The following CNTNAP5 variants were observed in gnomAD, a reference collection of about 807,000 sequenced individuals.
The protein encoded by CNTNAP5 is contactin associated protein family member 5, also known as contactin-associated protein-like 5.
Under a neutral mutation model 150.2 loss-of-function variants are expected in CNTNAP5, and 72 were observed. That is an observed-to-expected ratio of 0.48 (90% CI 0.40 to 0.58). The LOEUF (loss-of-function observed/expected upper bound fraction) is 0.58. Ranked by LOEUF, CNTNAP5 falls within the 20% of genes least tolerant of loss-of-function variation. The probability of loss-of-function intolerance (pLI) is 0.00; values close to 1 mark genes in which losing one functional copy is unlikely to be tolerated. For missense variants in CNTNAP5, 1,636 were observed against 1,626.2 expected (o/e 1.01, Z -0.10); for synonymous variants, 672 against 619.8 (o/e 1.08, Z -1.25).
chr2:124,401,293 T>C (rs1334557287), intron 3 of CNTNAP5, among the ~76,000 whole-genome samples: 1 of 152,224 alleles, frequency 6.6e-6, no homozygotes, highest in Non-Finnish European at 1.5e-5. Context: ...ACATTTATCT[T>C]TACATGCACA....
chr2:124,713,243 C>CTTTCTTTCTT (rs1280851827), intron 13 of CNTNAP5, among the ~76,000 whole-genome samples: 888 of 65,178 alleles, frequency 0.014, 166 homozygotes, highest in East Asian at 0.023. Flanking sequence ...TTCTTTCTTT[C>CTTTCTTTCTT]TCTTTCTTTC....
intron 3 of CNTNAP5, among the ~76,000 whole-genome samples, chr2:124,268,502 C>T (rs1310531149): frequency 2.6e-5 from 4 of 152,146 alleles, no homozygotes; most frequent in South Asian, 2.1e-4. Context: ...GGGGCCAAAT[C>T]GTAAATAGAG....
intron 11 of CNTNAP5, among the ~76,000 whole-genome samples, chr2:124,595,094 T>C (rs1696797305): frequency 6.7e-6 from 1 of 149,084 alleles, no homozygotes; most frequent in Non-Finnish European, 1.5e-5. Context: ...CAAGGACAAT[T>C]TGACTTCCTC....
intron 1 of CNTNAP5, among the ~76,000 whole-genome samples, chr2:124,162,179 G>T (rs780769230): frequency 1.4e-4 from 22 of 152,116 alleles, no homozygotes; most frequent in Non-Finnish European, 2.6e-4. Context: ...TTAAGTTCAT[G>T]CTGCCAAGCC....
intron 8 of CNTNAP5, among the ~76,000 whole-genome samples, chr2:124,522,060 T>C (rs975142158): frequency 6.6e-6 from 1 of 152,152 alleles, no homozygotes; most frequent in African/African-American, 2.4e-5. Flanking sequence ...GTCCTACATC[T>C]GGGATGCTCT....
intron 13 of CNTNAP5, among the ~76,000 whole-genome samples, chr2:124,667,782 A>G (rs774408694): frequency 2.6e-5 from 4 of 152,164 alleles, no homozygotes; most frequent in Admixed American, 6.5e-5. Flanking sequence ...TGAAAATCTA[A>G]TGGTAGCAAT....
At chr2:124,835,097 C>T (rs1459263726) in intron 19 of CNTNAP5, among the ~76,000 whole-genome samples, 5 of 151,904 alleles carry the variant, frequency 3.3e-5, no homozygotes, top group African/African-American at 1.2e-4. Flanking sequence ...ATCTAACTAC[C>T]AATAGATACT....
chr2:124,495,120 C>A (rs1242447414), intron 7 of CNTNAP5, among the ~76,000 whole-genome samples: 1 of 152,030 alleles, frequency 6.6e-6, no homozygotes, highest in African/African-American at 2.4e-5. Context: ...ATGTTATAAG[C>A]AATTTTCTTG....
intron 3 of CNTNAP5, among the ~76,000 whole-genome samples, chr2:124,358,664 A>C (rs1690098257): frequency 6.6e-6 from 1 of 152,174 alleles, no homozygotes; most frequent in Non-Finnish European, 1.5e-5. Flanking sequence ...CCACTTGATC[A>C]TGGTGGATAA....
At chr2:124,692,955 C>G (rs919289464) in intron 13 of CNTNAP5, among the ~76,000 whole-genome samples, 1 of 152,084 alleles carries the variant, frequency 6.6e-6, no homozygotes, top group African/African-American at 2.4e-5. Context: ...GCACATCCAT[C>G]TGTTCTTCAG....
intron 4 of CNTNAP5, among the ~76,000 whole-genome samples, chr2:124,421,320 C>T (rs1692098512): frequency 6.6e-6 from 1 of 152,086 alleles, no homozygotes; most frequent in Admixed American, 6.6e-5. Flanking sequence ...TTAGTGGTGC[C>T]CTCAGCAACC....
intron 3 of CNTNAP5, among the ~76,000 whole-genome samples, chr2:124,355,398 A>G (rs7578650): frequency 0.54 from 82,685 of 151,926 alleles, 23,091 homozygotes; most frequent in African/African-American, 0.67. Context: ...AAACTTTCAC[A>G]AGGGTTTGAT....
intron 1 of CNTNAP5, among the ~76,000 whole-genome samples, chr2:124,198,793 C>T (rs1280205073): frequency 2.7e-5 from 4 of 150,412 alleles, no homozygotes; most frequent in Non-Finnish European, 5.9e-5. Context: ...TACAATTAAA[C>T]CTTTAGTCTA....
intron 1 of CNTNAP5, among the ~76,000 whole-genome samples, chr2:124,028,083 G>T (rs1680946877): frequency 6.6e-6 from 1 of 151,990 alleles, no homozygotes; most frequent in Non-Finnish European, 1.5e-5. Context: ...CTTTATAAAA[G>T]TTTATTTGGA....
chr2:124,620,688 T>C lies in CNTNAP5; in HGVS notation c.1876+10768T>C, dbSNP rs538474112. Among the ~76,000 whole-genome samples the C allele has an allele frequency of 4.6e-5, 7 of 151,650 alleles. No homozygotes were observed. In the South Asian group the frequency reaches 1.5e-3, roughly 32 times the overall value. On this transcript the variant is annotated intron_variant, in intron 12 of 23. Transcript: ENST00000682447. Reference sequence around the variant, plus strand: ...TAGTGTGGAGACAATAAAAAATTGGTGACATGTAAGATTGTGAGAATTAGC... The same window carrying C: ...TAGTGTGGAGACAATAAAAAATTGGCGACATGTAAGATTGTGAGAATTAGC...
At chr2:124,163,349 A>G (rs1358675) in intron 1 of CNTNAP5, among the ~76,000 whole-genome samples, 147,427 of 152,206 alleles carry the variant, frequency 0.97, 71,575 homozygotes, top group East Asian at 1. Context: ...TACCTAATTC[A>G]TTTATATCAA....
chr2:124,675,347 G>T (rs1678916179), intron 13 of CNTNAP5, among the ~76,000 whole-genome samples: 3 of 152,036 alleles, frequency 2.0e-5, no homozygotes, highest in African/African-American at 7.2e-5. Flanking sequence ...TTGTGTGTTT[G>T]AATATGATGT....
At chr2:124,752,433 T>C (rs1205295878) in intron 14 of CNTNAP5, among the ~76,000 whole-genome samples, 3 of 151,994 alleles carry the variant, frequency 2.0e-5, no homozygotes, top group Non-Finnish European at 4.4e-5. Flanking sequence ...AATGAGTGCA[T>C]GTTGTAGGGC....
At position 124,919,700 on chromosome 2, in the gene CNTNAP5, T is replaced by C. The variant is rs1423542684; in HGVS notation, c.*5412T>C. ...GGGCTTTGCATGAATAATTCTTTAC[T>C]CACATTTGCATGATTTTTTTTACCT... is the stretch of plus-strand genomic sequence containing the variant. On this transcript the variant is annotated 3_prime_UTR_variant, in exon 24 of 24. Transcript: ENST00000682447. 6.6e-6 allele frequency among the ~76,000 whole-genome samples: 1 copy of C among 152,134 alleles called. No homozygotes were observed. Among genetic ancestry groups the C allele is most frequent in the Non-Finnish European group, 1.5e-5 (1 of 68,008 alleles).
Sources: allele counts gnomAD v4.1 joint callset (sites outside exome capture counted in the v4.1 genomes callset), GRCh38; gene constraint gnomAD v4.1.1; transcripts MANE v1.5; gene names NCBI Gene and HGNC (gene_info 2026-07-23, HGNC 2026-07-21).